The following NRXN3 variants were observed in gnomAD, a reference collection of about 807,000 sequenced individuals.
NRXN3 encodes neurexin III.
A neutral mutation model predicts 137.6 loss-of-function variants in NRXN3; 32 were observed. The ratio of observed to expected loss-of-function variants is 0.23; its 90% confidence interval spans 0.18 to 0.31. The LOEUF is 0.31. Among genes scored for constraint, NRXN3 ranks in the 10% least tolerant of loss-of-function variants. The probability of loss-of-function intolerance (pLI) is 1.00; values close to 1 mark genes in which losing one functional copy is unlikely to be tolerated. For missense variants in NRXN3, 1,574 were observed against 2,062.5 expected, an observed-to-expected ratio of 0.76 and a Z score of 4.59; for synonymous variants, 798 against 784.5, an observed-to-expected ratio of 1.02 and a Z score of -0.29.
intron 4 of NRXN3, among the ~76,000 whole-genome samples, chr14:78,370,532 C>T (rs1456183827): frequency 6.6e-6 from 1 of 152,120 alleles, no homozygotes; most frequent in Admixed American, 6.5e-5. Flanking sequence ...TGTCTTTACT[C>T]ATCTCTAGAC....
chr14:79,741,451 ATG>A (rs113579838), intron 19 of NRXN3, among the ~76,000 whole-genome samples: 72,156 of 149,802 alleles, frequency 0.48, 17,862 homozygotes, highest in African/African-American at 0.61. Flanking sequence ...AAGTTGAAAT[ATG>A]TGTGTGTGTG....
intron 17 of NRXN3, among the ~76,000 whole-genome samples, chr14:79,690,836 T>G (rs560620659): frequency 6.6e-6 from 1 of 152,286 alleles, no homozygotes; most frequent in African/African-American, 2.4e-5. Flanking sequence ...TGCTTTAGCA[T>G]GCCCCTATTC....
chr14:78,739,787 C>T (rs1376756035), intron 8 of NRXN3, among the ~76,000 whole-genome samples: 1 of 152,134 alleles, frequency 6.6e-6, no homozygotes, highest in African/African-American at 2.4e-5. Flanking sequence ...CATCCCAAAA[C>T]CAATCACTGG....
intron 2 of NRXN3, among the ~76,000 whole-genome samples, chr14:78,271,341 T>C (rs1403682220): frequency 6.6e-6 from 1 of 152,190 alleles, no homozygotes; most frequent in Non-Finnish European, 1.5e-5. Flanking sequence ...TTTACTACCA[T>C]TATTCCTGTG....
chr14:79,743,874 G>A (rs2098970793), intron 19 of NRXN3, among the ~76,000 whole-genome samples: 1 of 152,108 alleles, frequency 6.6e-6, no homozygotes, highest in African/African-American at 2.4e-5. Context: ...CCCTCACTAG[G>A]AAAAATATTC....
intron 10 of NRXN3, among the ~76,000 whole-genome samples, chr14:78,844,542 T>C (rs2099021246): frequency 6.6e-6 from 1 of 152,070 alleles, no homozygotes; most frequent in Non-Finnish European, 1.5e-5. Flanking sequence ...ATGAGAATAA[T>C]AACGCCTAAT....
chr14:79,820,456 T>G (rs910187820), intron 20 of NRXN3, among the ~76,000 whole-genome samples: 1 of 152,186 alleles, frequency 6.6e-6, no homozygotes, highest in African/African-American at 2.4e-5. Flanking sequence ...CCAGATTTAG[T>G]ACTACCAGCC....
At chr14:78,290,638 C>CAA (rs1164638412) in intron 3 of NRXN3, among the ~76,000 whole-genome samples, 17 of 150,552 alleles carry the variant, frequency 1.1e-4, no homozygotes, top group African/African-American at 4.1e-4. Flanking sequence ...GACCTTGTCT[C>CAA]AAAAAAAAAG....
At position 78,640,213 on chromosome 14, in the gene NRXN3, T is replaced by C. The variant is rs74064165; in HGVS notation, c.758-4907T>C. ...GCCCAGTGAAGTGTAAACCTCACTA[T>C]ATCCAGGAACTATATCAACATCTAG... On this transcript the variant is annotated intron_variant, in intron 4 of 20. Transcript: ENST00000335750. 4.5e-3 allele frequency among the ~76,000 whole-genome samples: 692 copies of C among 152,316 alleles called. 4 individuals carry two copies. The highest frequency in any genetic ancestry group is 0.016 in the African/African-American group (648 of 41,560).
chr14:78,227,348 GAAAA>G, intron 1 of NRXN3, among the ~76,000 whole-genome samples: 1 of 147,236 alleles, frequency 6.8e-6, no homozygotes, highest in East Asian at 2.0e-4. Context: ...GATGGGAGTT[GAAAA>G]AAAAAACACC....
intron 15 of NRXN3, among the ~76,000 whole-genome samples, chr14:79,384,376 G>A (rs576379809): frequency 3.9e-5 from 6 of 152,058 alleles, no homozygotes; most frequent in African/African-American, 1.2e-4. Flanking sequence ...GCCTCTTGAC[G>A]TTTACTAAGA....
intron 1 of NRXN3, among the ~76,000 whole-genome samples, chr14:78,214,132 C>A (rs2063020546): frequency 6.6e-6 from 1 of 152,182 alleles, no homozygotes; most frequent in African/African-American, 2.4e-5. Context: ...TGGTCTGGGC[C>A]CTTTCTAGCC....
At chr14:79,777,476 TAA>T (rs35166061) in intron 19 of NRXN3, among the ~76,000 whole-genome samples, 8 of 144,276 alleles carry the variant, frequency 5.5e-5, no homozygotes, top group Admixed American at 1.4e-4. Flanking sequence ...GGAATTTTTC[TAA>T]AAAAAAAAAA....
At chr14:79,840,674 C>A (rs2099354010) in intron 20 of NRXN3, among the ~76,000 whole-genome samples, 1 of 151,910 alleles carries the variant, frequency 6.6e-6, no homozygotes, top group African/African-American at 2.4e-5. Flanking sequence ...TTATTTCAGC[C>A]CAGATTTACT....
chr14:79,236,924 A>G (rs952621324), intron 15 of NRXN3, among the ~76,000 whole-genome samples: 30 of 152,020 alleles, frequency 2.0e-4, no homozygotes, highest in African/African-American at 7.0e-4. Context: ...AAATATATAT[A>G]TTTTTAAAAG....
In NRXN3 at chr14:78,796,410, T is replaced by A. The variant is rs147483419; in HGVS notation, c.2045-7210T>A. Among the ~76,000 whole-genome samples, 4 of 152,312 alleles carry A rather than the reference T, an allele frequency of 2.6e-5. No homozygotes were observed. In the East Asian group the frequency reaches 7.7e-4, roughly 29 times the overall value. ...AGATGCAGAGTGTCACAATAAGAGT[T>A]TCCACTCTGCCTGGAGTCACTGACT... On this transcript the variant is annotated intron_variant, in intron 8 of 20. Coordinates refer to ENST00000335750, the MANE Select transcript of NRXN3 (RefSeq NM_001330195.2).
intron 1 of NRXN3, among the ~76,000 whole-genome samples, chr14:78,185,142 G>A (rs1388572571): frequency 6.6e-6 from 1 of 152,194 alleles, no homozygotes; most frequent in Non-Finnish European, 1.5e-5. Context: ...TTTAGTGCTA[G>A]GAATACAGAG....
chr14:79,195,728 A>G (rs1232628810), intron 15 of NRXN3, among the ~76,000 whole-genome samples: 1 of 152,200 alleles, frequency 6.6e-6, no homozygotes, highest in African/African-American at 2.4e-5. Context: ...ATGAAAACAG[A>G]AGTGATTCTA....
At chr14:79,152,166 C>A (rs2059858696) in intron 15 of NRXN3, among the ~76,000 whole-genome samples, 1 of 151,994 alleles carries the variant, frequency 6.6e-6, no homozygotes, top group Admixed American at 6.6e-5. Flanking sequence ...ACTCAACAAT[C>A]ATTTACTGAG....
Sources: allele counts gnomAD v4.1 joint callset (sites outside exome capture counted in the v4.1 genomes callset), GRCh38; gene constraint gnomAD v4.1.1; transcripts MANE v1.5; gene names NCBI Gene and HGNC (gene_info 2026-07-23, HGNC 2026-07-21).